TNRC6B: variants seen among roughly 807,000 people sequenced by gnomAD.
The protein encoded by TNRC6B is trinucleotide repeat-containing gene 6B protein.
TNRC6B carries 52 observed loss-of-function variants against 203.6 expected under a neutral mutation model. That is an observed-to-expected ratio of 0.26 (90% CI 0.20 to 0.32). The LOEUF (loss-of-function observed/expected upper bound fraction) is 0.32. Among genes scored for constraint, TNRC6B ranks in the 10% least tolerant of loss-of-function variants. TNRC6B has a pLI of 1.00. For synonymous variants in TNRC6B, 838 were observed against 845.7 expected, an observed-to-expected ratio of 0.99 and a Z score of 0.16; for missense variants, 1,923 against 2,286.2, an observed-to-expected ratio of 0.84 and a Z score of 3.24.
At chr22:40,208,473 G>T (rs2069516316) in intron 1 of TNRC6B, among the ~76,000 whole-genome samples, 1 of 152,204 alleles carries the variant, frequency 6.6e-6, no homozygotes, top group Non-Finnish European at 1.5e-5. Context: ...TAGGGACATA[G>T]CATTGTGTGA....
rs146564501 is a variant in TNRC6B, at chr22:40,322,768, T to C, written c.5115-86T>C. 73 of 1,492,286 alleles carry C rather than the reference T, an allele frequency of 4.9e-5. No homozygotes were observed. The East Asian group carries it at 1.6e-3, about 32-fold the overall frequency. The allele number at this position is 1,492,286 out of a possible 1,614,324, so 92.4% of individuals were successfully genotyped here. A position where few individuals can be genotyped will look rare whatever the true frequency, so the allele number is the denominator to read the frequency against. ...CAGCTTCTAGTCAAAGGACTGCACA[T>C]TGAATGTCAAGGACTGCAGTCGCTC... On this transcript the variant is annotated intron_variant, in intron 22 of 22. Transcript: ENST00000454349.
intron 1 of TNRC6B, among the ~76,000 whole-genome samples, chr22:40,104,431 T>C (rs2068264659): frequency 6.6e-6 from 1 of 152,216 alleles, no homozygotes; most frequent in South Asian, 2.1e-4. Context: ...TTTTGTGGTG[T>C]ACACACAGGA....
rs775086749 is a variant in TNRC6B, at chr22:40,266,930, C to T, written c.2700C>T (p.Asn900=). 3 of 1,613,832 alleles carry T rather than the reference C, an allele frequency of 1.9e-6. No individual in the cohort carries two copies. Among genetic ancestry groups the T allele is most frequent in the South Asian group, 2.2e-5 (2 of 91,072 alleles). The change falls in exon 5 of 23, where the codon AAC becomes AAT. Residue 900 remains asparagine, a synonymous_variant. Transcript: ENST00000454349. ...GCACTTCAGCATGGGGAGACCCTAACAGTTATAACTACAAGAATGTGAATC... is the reference window on the plus strand; with the variant it reads ...GCACTTCAGCATGGGGAGACCCTAATAGTTATAACTACAAGAATGTGAATC... The part of the protein sequence containing the change: ...DDGTSAWGDP[N]SYNYKNVNLW...
chr22:40,106,928 C>T, intron 1 of TNRC6B: 1 of 1,030,010 alleles, frequency 9.7e-7, no homozygotes, highest in Non-Finnish European at 1.5e-6. Flanking sequence ...AAACTTCCTC[C>T]TTGCCCTTTG....
At chr22:40,169,844 G>A (rs146753545) in intron 4 of TNRC6B, among the ~76,000 whole-genome samples, 45 of 152,190 alleles carry the variant, frequency 3.0e-4, no homozygotes, top group Non-Finnish European at 4.6e-4. Flanking sequence ...TATTAAATAC[G>A]TAGACATATC....
upstream of TNRC6B, among the ~76,000 whole-genome samples, chr22:40,175,306 G>A (rs771456023): frequency 2.0e-5 from 3 of 151,932 alleles, no homozygotes; most frequent in African/African-American, 4.8e-5. Flanking sequence ...CCTGTGAGCC[G>A]ATACCATGCC....
chr22:40,250,554 A>C (rs1400442584), intron 2 of TNRC6B, among the ~76,000 whole-genome samples: 1 of 152,154 alleles, frequency 6.6e-6, no homozygotes, highest in Admixed American at 6.5e-5. Context: ...ATAAGTGTTG[A>C]TAATAACAGC....
chr22:40,209,360 A>T (rs560077954), intron 1 of TNRC6B, among the ~76,000 whole-genome samples: 3 of 152,336 alleles, frequency 2.0e-5, no homozygotes, highest in Non-Finnish European at 2.9e-5. Context: ...ACATGCAGTC[A>T]TCTGGTTGGT....
chr22:40,103,443 T>C (rs73424246), intron 1 of TNRC6B, among the ~76,000 whole-genome samples: 8,689 of 152,212 alleles, frequency 0.057, 794 homozygotes, highest in African/African-American at 0.19. Flanking sequence ...CTTTCAAGTC[T>C]GGCTGCTTTC....
rs1239484995 is a variant in TNRC6B, at chr22:40,170,401, TTA to T, written c.113+14228_113+14229del. 6.7e-4 allele frequency among the ~76,000 whole-genome samples: 32 copies of T among 47,904 alleles called. 3 individuals carry two copies. Among genetic ancestry groups the T allele is most frequent in the Middle Eastern group, 0.02 (2 of 98 alleles). The allele number at this position is 47,904 out of a possible 152,430, so 31.4% of individuals were successfully genotyped here. A position where few individuals can be genotyped will look rare whatever the true frequency, so the allele number is the denominator to read the frequency against. On this transcript the variant is annotated intron_variant, in intron 4 of 23. Transcript: ENST00000301923. The stretch of plus-strand genomic sequence containing the variant: ...ATTATATATATAGTTTATATATATA[TTA>T]TATATATAGTTTATATATATATTAT...
intron 1 of TNRC6B, 82 bp from the exon 2 acceptor site, chr22:40,245,933 C>A: frequency 9.4e-7 from 1 of 1,062,124 alleles, no homozygotes; most frequent in Non-Finnish European, 1.3e-6. Context: ...GTCTTGCCCA[C>A]CACTTACAAG....
chr22:40,132,078 T>C (rs780697742), intron 3 of TNRC6B, among the ~76,000 whole-genome samples: 6 of 152,248 alleles, frequency 3.9e-5, no homozygotes, highest in Admixed American at 6.5e-5. Context: ...CTGGGTGCAG[T>C]GGCTCACGCC....
chr22:40,238,410 A>C (rs1601910640), intron 1 of TNRC6B, among the ~76,000 whole-genome samples: 1 of 152,158 alleles, frequency 6.6e-6, no homozygotes, highest in Admixed American at 6.5e-5. Flanking sequence ...TCCTTATTCA[A>C]TTACCAGAAA....
Position 40,156,152 on chromosome 22 carries a change from A to G in TNRC6B, c.83A>G (p.Lys28Arg), listed in dbSNP as rs1405894382. Reference sequence around the variant, plus strand: ...GATTTTGTAATGGAAGGGCATGGCAAGACTCCACCTCCTGGTGAAGAAAGC... The same window carrying G: ...GATTTTGTAATGGAAGGGCATGGCAGGACTCCACCTCCTGGTGAAGAAAGC... The change falls in exon 4 of 24, where the codon AAG becomes AGG. Residue 28 changes from lysine to arginine, a missense_variant. Coordinates refer to the TNRC6B transcript ENST00000301923. 1 of 1,581,338 alleles carries G rather than the reference A, an allele frequency of 6.3e-7. No individual in the cohort carries two copies. Among genetic ancestry groups the G allele is most frequent in the Non-Finnish European group, 8.6e-7 (1 of 1,163,242 alleles).
rs749337483 is a variant in TNRC6B at position 40,312,670 on chromosome 22, T to G, written c.4582+19T>G. The G allele has an allele frequency of 1.2e-6, 2 of 1,603,192 alleles. No individual in the cohort carries two copies. Among genetic ancestry groups the G allele is most frequent in the Non-Finnish European group, 1.7e-6 (2 of 1,174,890 alleles). On this transcript the variant is annotated intron_variant, in intron 18 of 22. Transcript: ENST00000454349. Reference sequence around the variant, plus strand: ...ACCACAGGTACTTGAGCAAAGCATCTCTTATATGTTCAACACCCAGCATTT... The same window carrying G: ...ACCACAGGTACTTGAGCAAAGCATCGCTTATATGTTCAACACCCAGCATTT...
intron 12 of TNRC6B, among the ~76,000 whole-genome samples, chr22:40,290,349 A>G (rs1301093919): frequency 1.3e-5 from 2 of 152,244 alleles, no homozygotes; most frequent in African/African-American, 4.8e-5. Context: ...AACAAAAGGC[A>G]GGTTGTGTTA....
intron 6 of TNRC6B, among the ~76,000 whole-genome samples, chr22:40,272,628 G>A (rs755568435): frequency 1.1e-4 from 16 of 151,952 alleles, no homozygotes; most frequent in Admixed American, 2.6e-4. Context: ...CAGTATTTTC[G>A]GAGGGAATTA....
chr22:40,265,611 T>C lies in TNRC6B; in HGVS notation c.1381T>C (p.Ser461Pro), dbSNP rs766528637. The change falls in exon 5 of 23, where the codon TCT becomes CCT. Residue 461 changes from serine (S) to proline (P), a missense_variant. Coordinates refer to ENST00000454349, the MANE Select transcript of TNRC6B (RefSeq NM_001162501.2). ...GAGAGAGGACTCCTGGAAAGGAGCT[T>C]CTGTTCAGAAATCAACTGGGTCAAA... is the stretch of plus-strand genomic sequence containing the variant. Reference protein sequence around the residue: ...KEREDSWKGASVQKSTGSKND... With the variant: ...KEREDSWKGAPVQKSTGSKND... The C allele has an allele frequency of 5.6e-6, 9 of 1,613,678 alleles. No homozygotes were observed. In the Admixed American group the frequency reaches 1.3e-4, roughly 24 times the overall value.
rs74196792 is a variant in TNRC6B, at chr22:40,114,483, G to A, written c.-120-2572G>A. ...CTACAGGCACATGCCACCATGCCCC[G>A]TTAATTTTTTACATTTTTTTGTAGA... On this transcript the variant is annotated intron_variant, in intron 1 of 23. Coordinates refer to the TNRC6B transcript ENST00000301923. 3.4e-3 allele frequency among the ~76,000 whole-genome samples: 510 copies of A among 152,110 alleles called. 31 individuals carry two copies. The East Asian group carries it at 0.088, about 26-fold the overall frequency.
Sources: allele counts gnomAD v4.1 joint callset (sites outside exome capture counted in the v4.1 genomes callset), GRCh38; gene constraint gnomAD v4.1.1; transcripts MANE v1.5; gene names NCBI Gene and HGNC (gene_info 2026-07-23, HGNC 2026-07-21).